Variants in SEL1L2 observed in about 807,000 individuals in gnomAD.
The protein encoded by SEL1L2 is protein sel-1 homolog 2.
Under a neutral mutation model 98.8 loss-of-function variants are expected in SEL1L2, and 89 were observed. The ratio of observed to expected loss-of-function variants is 0.90; its 90% CI spans 0.76 to 1.07. The LOEUF is 1.07. SEL1L2 is among the 50% of genes least tolerant of loss of function. SEL1L2 has a pLI of 0.00. For missense variants in SEL1L2, 788 were observed against 812.0 expected (o/e 0.97, Z 0.36); for synonymous variants, 262 against 278.5 (o/e 0.94, Z 0.59).
intron 10 of SEL1L2, among the ~76,000 whole-genome samples, chr20:13,881,171 G>T (rs531172234): frequency 6.6e-6 from 1 of 152,178 alleles, no homozygotes; most frequent in Non-Finnish European, 1.5e-5. Context: ...GCACCACCAT[G>T]CCCAGCTAAT....
chr20:13,865,624 T>A (rs1319030735), intron 15 of SEL1L2, 110 bp from the exon 16 acceptor site: 15 of 918,222 alleles, frequency 1.6e-5, no homozygotes, highest in Non-Finnish European at 2.5e-5. Context: ...AGGGAAGGAT[T>A]TTAGGTCTAA....
chr20:13,931,760 G>T lies in SEL1L2; in HGVS notation c.126C>A (p.Asn42Lys). Reference protein sequence around the residue: ...ERNVTTQVSVNEIKQYLSHIL... With the variant: ...ERNVTTQVSVKEIKQYLSHIL... ...TGTGTGATAAATATTGTTTGATTTC[G>T]TTCACTGATACCTACAAAGAAAAAG... is the stretch of plus-strand genomic sequence containing the variant. Residue 42 changes from asparagine to lysine, a missense_variant, in exon 3 of 20, where the codon AAC (asparagine) becomes AAA (lysine). Asn to Lys is a moderately conservative substitution (Grantham distance 94). Transcript: ENST00000284951. 3 of 1,519,398 alleles carry T rather than the reference G, an allele frequency of 2.0e-6. No individual in the cohort carries two copies. The highest frequency in any genetic ancestry group is 1.3e-5 in the South Asian group (1 of 75,262). 94.1% of individuals were successfully genotyped at this position (1,519,398 alleles called of 1,614,324 possible).
chr20:13,940,824 C>T (rs879262948), intron 2 of SEL1L2, among the ~76,000 whole-genome samples: 1 of 151,974 alleles, frequency 6.6e-6, no homozygotes, highest in Non-Finnish European at 1.5e-5. Flanking sequence ...TGCTTGAACC[C>T]GGGAGGCGGA....
Position 13,894,815 on chromosome 20 carries a change from G to A in SEL1L2, c.550-6303C>T, listed in dbSNP as rs111414601. 3.3e-3 allele frequency among the ~76,000 whole-genome samples: 503 copies of A among 152,262 alleles called. 2 individuals carry two copies. The highest frequency in any genetic ancestry group is 0.011 in the African/African-American group (471 of 41,544). On this transcript the variant is annotated intron_variant, in intron 5 of 19. Coordinates refer to ENST00000284951, the MANE Select transcript of SEL1L2 (RefSeq NM_025229.2). ...TTTTGAAGAAATAGCAGATCTGAAC[G>A]ATTTGTAACTAGTTAGTAGATTGAA...
At chr20:13,941,944 C>T (rs2049800462) in intron 2 of SEL1L2, among the ~76,000 whole-genome samples, 1 of 152,158 alleles carries the variant, frequency 6.6e-6, no homozygotes, top group African/African-American at 2.4e-5. Flanking sequence ...CCTTAACAAT[C>T]TATGTCCCTT....
chr20:13,945,472 A>C (rs1218647932), intron 2 of SEL1L2, among the ~76,000 whole-genome samples: 1 of 150,846 alleles, frequency 6.6e-6, no homozygotes. Flanking sequence ...CACTATGTAC[A>C]TTTTAATATA....
At chr20:13,873,442 A>T (rs2046293933) in intron 12 of SEL1L2, among the ~76,000 whole-genome samples, 1 of 150,904 alleles carries the variant, frequency 6.6e-6, no homozygotes, top group Admixed American at 6.6e-5. Context: ...GTTCACTACA[A>T]CCTCTTCCTC....
chr20:13,861,501 T>G (rs1438339899), intron 17 of SEL1L2, among the ~76,000 whole-genome samples: 1 of 151,928 alleles, frequency 6.6e-6, no homozygotes, highest in East Asian at 1.9e-4. Flanking sequence ...TATGTAACAG[T>G]TTTATTGAGA....
intron 3 of SEL1L2, 35 bp downstream of exon 3, chr20:13,931,568 T>C (rs772725665): frequency 8.3e-7 from 1 of 1,209,736 alleles, no homozygotes; most frequent in East Asian, 2.7e-5. Flanking sequence ...CATGTAGTCA[T>C]TTTAAATTTA....
chr20:13,894,632 A>C (rs2047344757), intron 5 of SEL1L2, among the ~76,000 whole-genome samples: 1 of 152,208 alleles, frequency 6.6e-6, no homozygotes, highest in African/African-American at 2.4e-5. Flanking sequence ...GACAATAGAG[A>C]AGACTCAACA....
At chr20:13,889,278 G>A (rs1054534462) in intron 5 of SEL1L2, among the ~76,000 whole-genome samples, 10 of 151,656 alleles carry the variant, frequency 6.6e-5, no homozygotes, top group African/African-American at 9.7e-5. Context: ...GAGCCACCAC[G>A]CCTGGCCATT....
chr20:13,915,170 C>A (rs1462776087), intron 4 of SEL1L2: 1 of 1,289,580 alleles, frequency 7.8e-7, no homozygotes, highest in Non-Finnish European at 1.0e-6. Context: ...TGCTCTTGGG[C>A]AGAAGCTGGA....
chr20:13,946,134 G>A (rs2049996849), intron 2 of SEL1L2, among the ~76,000 whole-genome samples: 1 of 151,946 alleles, frequency 6.6e-6, no homozygotes. Flanking sequence ...CAGCAATTAG[G>A]AAATAAATTT....
intron 1 of SEL1L2, among the ~76,000 whole-genome samples, chr20:13,966,266 T>G (rs1191039175): frequency 6.6e-6 from 1 of 152,106 alleles, no homozygotes; most frequent in Non-Finnish European, 1.5e-5. Context: ...AATTGGTGTT[T>G]GTTTTCTTCT....
intron 2 of SEL1L2, among the ~76,000 whole-genome samples, chr20:13,932,434 TATTA>T (rs1337317998): frequency 6.7e-6 from 1 of 148,292 alleles, no homozygotes; most frequent in African/African-American, 2.5e-5. Context: ...TTATTATTAT[TATTA>T]TTATTATTTT....
At chr20:13,864,438 C>T (rs184683954) in intron 17 of SEL1L2, among the ~76,000 whole-genome samples, 3 of 152,260 alleles carry the variant, frequency 2.0e-5, no homozygotes, top group Admixed American at 2.0e-4. Context: ...TTTCACATAT[C>T]CAAATGCCAA....
At chr20:13,871,947 C>G (rs770145269) in intron 12 of SEL1L2, among the ~76,000 whole-genome samples, 22 of 152,114 alleles carry the variant, frequency 1.4e-4, no homozygotes, top group Non-Finnish European at 2.8e-4. Context: ...TAGATGCAGC[C>G]GGAGTAACCC....
At chr20:13,859,503 C>T (rs1989739550) in intron 17 of SEL1L2, 69 bp from the exon 18 acceptor site, 2 of 1,362,094 alleles carry the variant, frequency 1.5e-6, no homozygotes, top group African/African-American at 1.5e-5. Context: ...AGGAATTCAA[C>T]CTAGTAATCT....
At chr20:13,983,285 T>A (rs1441805886) in intron 1 of SEL1L2, among the ~76,000 whole-genome samples, 1 of 151,862 alleles carries the variant, frequency 6.6e-6, no homozygotes, top group African/African-American at 2.4e-5. Context: ...TATGTCCCCC[T>A]CAATAATTTT....
Sources: gnomAD v4.1 joint callset for allele counts (sites outside exome capture counted in the v4.1 genomes callset) on GRCh38, gnomAD v4.1.1 for gene constraint, MANE v1.5 for transcripts, NCBI Gene and HGNC (gene_info 2026-07-23, HGNC 2026-07-21) for gene names.